H4C12: variants seen among roughly 807,000 people sequenced by gnomAD.
H4C12 encodes the protein H4 clustered histone 12.
A neutral mutation model predicts 4.2 loss-of-function variants in H4C12; 3 were observed. That is an observed-to-expected ratio of 0.72 (90% CI 0.33 to 1.86). H4C12 has a LOEUF of 1.86. H4C12 is among the 40% of genes most tolerant of loss of function. The pLI is 0.08. For missense variants in H4C12, 81 were observed against 154.6 expected, an observed-to-expected ratio of 0.52 and a Z score of 2.52; for synonymous variants, 71 against 65.0, an observed-to-expected ratio of 1.09 and a Z score of -0.44.
chr6:27,831,258 C>T lies in H4C12; in HGVS notation c.270G>A (p.Ala90=). 1.9e-6 allele frequency: 3 copies of T among 1,551,982 alleles called. No individual in the cohort carries two copies. Among genetic ancestry groups the T allele is most frequent in the South Asian group, 1.3e-5 (1 of 78,872 alleles). ...AGAGGGTGCGGCCCTGGCGCTTGAG[C>T]GCGTAGACCACATCCATGGCGGTGA... ...KTVTAMDVVY[A]LKRQGRTLYG... The change falls in exon 1 of 1, where the codon GCG becomes GCA. Residue 90 remains alanine (A), a synonymous_variant. Transcript: ENST00000611927.
In H4C12 at chr6:27,831,189, G is replaced by A. The variant is rs779460789; in HGVS notation, c.*27C>T. The A allele has an allele frequency of 2.6e-5, 42 of 1,598,764 alleles. No individual in the cohort carries two copies. The highest frequency in any genetic ancestry group is 3.1e-5 in the Non-Finnish European group (36 of 1,172,832). On this transcript the variant is annotated 3_prime_UTR_variant, in exon 1 of 1. Transcript: ENST00000611927. ...GCTGAGAAAGTGGGGGCCCTAAAAA[G>A]GGCCTTTTGTTGATAGAAAGGGACG...
rs1479917393 is a variant in H4C12 at position 27,831,430 on chromosome 6, G to A, written c.98C>T (p.Pro33Leu). Residue 33 changes from proline to leucine, a missense_variant, in exon 1 of 1, where the codon CCG becomes CTG. Around this residue, in one of 2 missense-constraint regions of H4C12, gnomAD observed 25 missense variants for 76.3 expected, o/e 0.33. Coordinates refer to ENST00000611927, the MANE Select transcript of H4C12 (RefSeq NM_003541.3). ...GCGGCGAGCAAGGCGCCGGATGGCCGGCTTGGTGATGCCCTGGATATTGTC... is the reference window on the plus strand; with the variant it reads ...GCGGCGAGCAAGGCGCCGGATGGCCAGCTTGGTGATGCCCTGGATATTGTC... ...LRDNIQGITK[P>L]AIRRLARRGG... The A allele has an allele frequency of 6.3e-7, 1 of 1,579,446 alleles. No homozygotes were observed. Among genetic ancestry groups the A allele is most frequent in the Non-Finnish European group, 8.6e-7 (1 of 1,160,858 alleles).
Position 27,831,279 on chromosome 6 carries a change from G to A in H4C12, c.249C>T (p.Thr83=), listed in dbSNP as rs894412720. 6 of 1,554,064 alleles carry A rather than the reference G, an allele frequency of 3.9e-6. No individual in the cohort carries two copies. The highest frequency in any genetic ancestry group is 2.2e-5 in the East Asian group (1 of 44,716). Residue 83 remains threonine (T), a synonymous_variant, in exon 1 of 1, where the codon ACC becomes ACT. Coordinates refer to ENST00000611927, the MANE Select transcript of H4C12 (RefSeq NM_003541.3). ...YTEHAKRKTV[T]AMDVVYALKR... is the part of the protein sequence containing the mutation. ...TGAGCGCGTAGACCACATCCATGGC[G>A]GTGACCGTCTTGCGCTTGGCGTGCT...
rs1359476195 is a variant in H4C12, at chr6:27,831,190, G to C, written c.*26C>G. The C allele has an allele frequency of 6.2e-7, 1 of 1,600,692 alleles. No individual in the cohort carries two copies. Among genetic ancestry groups the C allele is most frequent in the Non-Finnish European group, 8.5e-7 (1 of 1,173,760 alleles). ...CTGAGAAAGTGGGGGCCCTAAAAAGGGCCTTTTGTTGATAGAAAGGGACGC... is the reference window on the plus strand; with the variant it reads ...CTGAGAAAGTGGGGGCCCTAAAAAGCGCCTTTTGTTGATAGAAAGGGACGC... On this transcript the variant is annotated 3_prime_UTR_variant, in exon 1 of 1. Coordinates refer to ENST00000611927, the MANE Select transcript of H4C12 (RefSeq NM_003541.3).
rs769403170 is a variant in H4C12 at position 27,831,193 on chromosome 6, C to A, written c.*23G>T. The A allele has an allele frequency of 6.2e-7, 1 of 1,604,834 alleles. No individual in the cohort carries two copies. Among genetic ancestry groups the A allele is most frequent in the Admixed American group, 1.7e-5 (1 of 58,074 alleles). The stretch of plus-strand genomic sequence containing the variant: ...AGAAAGTGGGGGCCCTAAAAAGGGC[C>A]TTTTGTTGATAGAAAGGGACGCTCA... On this transcript the variant is annotated 3_prime_UTR_variant, in exon 1 of 1. Coordinates refer to ENST00000611927, the MANE Select transcript of H4C12 (RefSeq NM_003541.3).
Position 27,831,214 on chromosome 6 carries a change from G to T in H4C12, c.*2C>A. 1 of 1,604,072 alleles carries T rather than the reference G, an allele frequency of 6.2e-7. No individual in the cohort carries two copies. Among genetic ancestry groups the T allele is most frequent in the Non-Finnish European group, 8.5e-7 (1 of 1,175,776 alleles). On this transcript the variant is annotated 3_prime_UTR_variant, in exon 1 of 1. Transcript: ENST00000611927. ...GGGCCTTTTGTTGATAGAAAGGGAC[G>T]CTCAACCACCGAAACCGTAGAGGGT...
In H4C12 at chr6:27,831,552, A is replaced by G. The variant is rs374431235; in HGVS notation, c.-25T>C. ...TGACGAGCAAGAGGAGTCTCACCCA[A>G]CGCTTTGTGAGGACTCTGGCCTGAG... On this transcript the variant is annotated 5_prime_UTR_variant, in exon 1 of 1. Coordinates refer to ENST00000611927, the MANE Select transcript of H4C12 (RefSeq NM_003541.3). 1,840 of 1,582,620 alleles carry G rather than the reference A, an allele frequency of 1.2e-3. No homozygotes were observed. Among genetic ancestry groups the G allele is most frequent in the East Asian group, 4.8e-3 (214 of 44,324 alleles).
At position 27,831,188 on chromosome 6, in the gene H4C12, A is replaced by T; in HGVS notation, c.*28T>A. ...AGCTGAGAAAGTGGGGGCCCTAAAA[A>T]GGGCCTTTTGTTGATAGAAAGGGAC... On this transcript the variant is annotated 3_prime_UTR_variant, in exon 1 of 1. Transcript: ENST00000611927. 1 of 1,596,958 alleles carries T rather than the reference A, an allele frequency of 6.3e-7. No homozygotes were observed. The highest frequency in any genetic ancestry group is 8.5e-7 in the Non-Finnish European group (1 of 1,172,032).
At position 27,831,292 on chromosome 6, in the gene H4C12, C is replaced by T. The variant is rs530988823; in HGVS notation, c.236G>A (p.Arg79His). The T allele has an allele frequency of 1.1e-5, 17 of 1,573,900 alleles. No individual in the cohort carries two copies. In the Middle Eastern group the frequency reaches 7.0e-4, roughly 65 times the overall value. ...CACATCCATGGCGGTGACCGTCTTG[C>T]GCTTGGCGTGCTCTGTATAGGTCAC... ...DAVTYTEHAK[R>H]KTVTAMDVVY... Residue 79 changes from arginine (R) to histidine (H), a missense_variant, in exon 1 of 1, where the codon CGC becomes CAC. Arg to His is a conservative substitution (Grantham distance 29, BLOSUM62 0). Transcript: ENST00000611927.
rs200488 is a variant in H4C12, at chr6:27,831,267, C to G, written c.261G>C (p.Val87=). Reference sequence around the variant, plus strand: ...GGCCCTGGCGCTTGAGCGCGTAGACCACATCCATGGCGGTGACCGTCTTGC... The same window carrying G: ...GGCCCTGGCGCTTGAGCGCGTAGACGACATCCATGGCGGTGACCGTCTTGC... The part of the protein sequence containing the change: ...AKRKTVTAMD[V]VYALKRQGRT... The change falls in exon 1 of 1, where the codon GTG becomes GTC. Residue 87 remains valine, a synonymous_variant. Transcript: ENST00000611927. 15 of 1,549,014 alleles carry G rather than the reference C, an allele frequency of 9.7e-6. No homozygotes were observed. In the African/African-American group the frequency reaches 1.7e-4, roughly 17 times the overall value.
In H4C12 at chr6:27,831,195, T is replaced by TG; in HGVS notation, c.*20_*21insC. 1 of 1,604,950 alleles carries TG rather than the reference T, an allele frequency of 6.2e-7. No individual in the cohort carries two copies. Among genetic ancestry groups the TG allele is most frequent in the South Asian group, 1.1e-5 (1 of 90,496 alleles). On this transcript the variant is annotated 3_prime_UTR_variant, in exon 1 of 1. Coordinates refer to ENST00000611927, the MANE Select transcript of H4C12 (RefSeq NM_003541.3). ...AAAGTGGGGGCCCTAAAAAGGGCCT[T>TG]TTGTTGATAGAAAGGGACGCTCAAC...
In H4C12 at chr6:27,831,531, G is replaced by A. The variant is rs200538218; in HGVS notation, c.-4C>T. On this transcript the variant is annotated 5_prime_UTR_variant, in exon 1 of 1. Coordinates refer to ENST00000611927, the MANE Select transcript of H4C12 (RefSeq NM_003541.3). ...CGCCTTTGCCGCGGCCAGACATGAC[G>A]AGCAAGAGGAGTCTCACCCAACGCT... 2.3e-5 allele frequency: 36 copies of A among 1,576,282 alleles called. 1 individual carries two copies. The highest frequency in any genetic ancestry group is 6.7e-5 in the African/African-American group (5 of 74,408).
chr6:27,831,387 G>C lies in H4C12; in HGVS notation c.141C>G (p.Ile47Met). The C allele has an allele frequency of 6.3e-7, 1 of 1,596,434 alleles. No homozygotes were observed. Among genetic ancestry groups the C allele is most frequent in the Non-Finnish European group, 8.5e-7 (1 of 1,169,602 alleles). The change falls in exon 1 of 1, where the codon ATC (isoleucine) becomes ATG (methionine). Residue 47 changes from isoleucine to methionine, a missense_variant. By Grantham distance (10) the Ile-to-Met change is conservative. This residue lies in a region of H4C12 where 25 missense variants were observed against 76.3 expected (regional missense o/e 0.33). Transcript: ENST00000611927. ...RLARRGGVKRISGLIYEETRG... is the reference protein window; with the variant it reads ...RLARRGGVKRMSGLIYEETRG... ...GAGTCTCCTCGTAGATGAGGCCGGA[G>C]ATGCGCTTCACGCCGCCGCGGCGAG...
rs771667277 is a variant in H4C12, at chr6:27,831,420, C to CAT, written c.107_108insAT (p.Arg37CysfsTer9). 6.3e-7 allele frequency: 1 copy of CAT among 1,584,096 alleles called. No individual in the cohort carries two copies. The highest frequency in any genetic ancestry group is 8.6e-7 in the Non-Finnish European group (1 of 1,162,966). ...TCACGCCGCCGCGGCGAGCAAGGCG[C>CAT]CGGATGGCCGGCTTGGTGATGCCCT... is the stretch of plus-strand genomic sequence containing the variant. On this transcript the variant is annotated frameshift_variant, in exon 1 of 1. Coordinates refer to ENST00000611927, the MANE Select transcript of H4C12 (RefSeq NM_003541.3). LOFTEE classifies it high-confidence loss of function.
Position 27,831,190 on chromosome 6 carries a change from G to A in H4C12, c.*26C>T. The stretch of plus-strand genomic sequence containing the variant: ...CTGAGAAAGTGGGGGCCCTAAAAAG[G>A]GCCTTTTGTTGATAGAAAGGGACGC... On this transcript the variant is annotated 3_prime_UTR_variant, in exon 1 of 1. Coordinates refer to ENST00000611927, the MANE Select transcript of H4C12 (RefSeq NM_003541.3). 5.0e-6 allele frequency: 8 copies of A among 1,600,808 alleles called. No homozygotes were observed. Among genetic ancestry groups the A allele is most frequent in the Admixed American group, 3.5e-5 (2 of 57,044 alleles).
Position 27,831,207 on chromosome 6 carries a change from A to G in H4C12, c.*9T>C, listed in dbSNP as rs371092356. The stretch of plus-strand genomic sequence containing the variant: ...CTAAAAAGGGCCTTTTGTTGATAGA[A>G]AGGGACGCTCAACCACCGAAACCGT... On this transcript the variant is annotated 3_prime_UTR_variant, in exon 1 of 1. Transcript: ENST00000611927. 33 of 1,604,160 alleles carry G rather than the reference A, an allele frequency of 2.1e-5. No homozygotes were observed. Among genetic ancestry groups the G allele is most frequent in the Non-Finnish European group, 2.6e-5 (31 of 1,175,540 alleles).
chr6:27,831,471 G>C lies in H4C12; in HGVS notation c.57C>G (p.His19Gln). The C allele has an allele frequency of 6.6e-7, 1 of 1,521,016 alleles. No individual in the cohort carries two copies. Among genetic ancestry groups the C allele is most frequent in the Non-Finnish European group, 8.8e-7 (1 of 1,136,040 alleles). 94.2% of individuals were successfully genotyped at this position (1,521,016 alleles called of 1,614,324 possible). A position where few individuals can be genotyped will look rare whatever the true frequency, so the allele number is the denominator to read the frequency against. The change falls in exon 1 of 1, where the codon CAC becomes CAG. Residue 19 changes from histidine to glutamine, a missense_variant. This residue lies in a region of H4C12 where 25 missense variants were observed against 76.3 expected (regional missense o/e 0.33). Coordinates refer to ENST00000611927, the MANE Select transcript of H4C12 (RefSeq NM_003541.3). ...KGLGKGGAKR[H>Q]RKVLRDNIQG... ...GGATATTGTCGCGCAGTACTTTACGGTGGCGCTTAGCGCCGCCTTTGCCAA... is the reference window on the plus strand; with the variant it reads ...GGATATTGTCGCGCAGTACTTTACGCTGGCGCTTAGCGCCGCCTTTGCCAA...
rs774976497 is a variant in H4C12 at position 27,831,194 on chromosome 6, T to C, written c.*22A>G. ...GAAAGTGGGGGCCCTAAAAAGGGCC[T>C]TTTGTTGATAGAAAGGGACGCTCAA... On this transcript the variant is annotated 3_prime_UTR_variant, in exon 1 of 1. Transcript: ENST00000611927. 2 of 1,604,850 alleles carry C rather than the reference T, an allele frequency of 1.2e-6. No individual in the cohort carries two copies. Among genetic ancestry groups the C allele is most frequent in the Non-Finnish European group, 8.5e-7 (1 of 1,175,560 alleles).
rs1460975075 is a variant in H4C12 at position 27,831,370 on chromosome 6, T to C, written c.158A>G (p.Glu53Gly). 1 of 1,598,692 alleles carries C rather than the reference T, an allele frequency of 6.3e-7. No individual in the cohort carries two copies. Among genetic ancestry groups the C allele is most frequent in the Non-Finnish European group, 8.5e-7 (1 of 1,170,280 alleles). Residue 53 changes from glutamate (E) to glycine (G), a missense_variant, in exon 1 of 1, where the codon GAG becomes GGG. By Grantham distance (98) the Glu-to-Gly change is moderately conservative (BLOSUM62 -2). Around this residue, in one of 2 missense-constraint regions of H4C12, gnomAD observed 56 missense variants for 78.3 expected, o/e 0.72. Transcript: ENST00000611927. ...CACCTTCAGCACCCCGCGAGTCTCC[T>C]CGTAGATGAGGCCGGAGATGCGCTT... Reference protein sequence around the residue: ...GVKRISGLIYEETRGVLKVFL... With the variant: ...GVKRISGLIYGETRGVLKVFL...
Sources: allele counts gnomAD v4.1 joint callset, GRCh38; gene constraint gnomAD v4.1.1; regional missense constraint gnomAD v4.1.1; transcripts MANE v1.5; gene names NCBI Gene and HGNC (gene_info 2026-07-23, HGNC 2026-07-21).